GASK1A: variants seen among roughly 807,000 people sequenced by gnomAD.
The protein encoded by GASK1A is Golgi-associated kinase 1A.
In GASK1A, 40 loss-of-function variants were observed where a neutral mutation model predicts 41.2. The observed-to-expected ratio is 0.97, with a 90% confidence interval of 0.75 to 1.27. The LOEUF (loss-of-function observed/expected upper bound fraction) is 1.27. Ranked by LOEUF, GASK1A falls within the 50% of genes most tolerant of loss-of-function variation. GASK1A has a pLI of 0.00. For synonymous variants in GASK1A, 316 were observed against 307.1 expected (o/e 1.03, Z -0.30); for missense variants, 678 against 745.1 (o/e 0.91, Z 1.05).
intron 1 of GASK1A, among the ~76,000 whole-genome samples, chr3:42,997,223 G>T (rs1379460633): frequency 6.6e-6 from 1 of 152,190 alleles, no homozygotes; most frequent in Non-Finnish European, 1.5e-5. Context: ...CCCTTTCAGA[G>T]AGTCAGAGGA....
intron 2 of GASK1A, among the ~76,000 whole-genome samples, chr3:43,034,852 A>C (rs1426060175): frequency 6.6e-6 from 1 of 152,148 alleles, no homozygotes; most frequent in Non-Finnish European, 1.5e-5. Flanking sequence ...GGAGGTTGCC[A>C]TACTCTCCTT....
At chr3:43,028,441 A>G (rs1212136404) in intron 1 of GASK1A, among the ~76,000 whole-genome samples, 3 of 152,194 alleles carry the variant, frequency 2.0e-5, no homozygotes, top group Non-Finnish European at 4.4e-5. Context: ...TACAGAAAAT[A>G]TACCATAAAA....
chr3:43,011,935 A>G (rs971728783), intron 1 of GASK1A, among the ~76,000 whole-genome samples: 7 of 151,848 alleles, frequency 4.6e-5, no homozygotes, highest in Non-Finnish European at 8.8e-5. Context: ...GTGTGAAGTC[A>G]CAGGAAGCGG....
intron 1 of GASK1A, among the ~76,000 whole-genome samples, chr3:42,987,756 T>C (rs1017765525): frequency 1.3e-5 from 2 of 152,010 alleles, no homozygotes; most frequent in Admixed American, 6.6e-5. Flanking sequence ...CCCAGCACTT[T>C]GGAAGGCTGA....
intron 3 of GASK1A, among the ~76,000 whole-genome samples, chr3:43,054,636 A>G (rs1305334556): frequency 6.6e-6 from 1 of 152,184 alleles, no homozygotes; most frequent in African/African-American, 2.4e-5. Flanking sequence ...GATTGTGGGA[A>G]ATGCCCATGG....
intron 2 of GASK1A, among the ~76,000 whole-genome samples, chr3:43,050,391 A>G (rs1275091733): frequency 6.6e-6 from 1 of 152,100 alleles, no homozygotes; most frequent in Non-Finnish European, 1.5e-5. Flanking sequence ...TAAATTTGAT[A>G]TCAAATTACT....
Position 43,032,269 on chromosome 3 carries a change from G to A in GASK1A, c.6G>A (p.Ala2=), listed in dbSNP as rs658958. The A allele has an allele frequency of 0.4, 613,209 of 1,515,132 alleles. 127,898 individuals are homozygous for A. Among genetic ancestry groups the A allele is most frequent in the East Asian group, 0.62 (24,839 of 40,124 alleles). The allele number at this position is 1,515,132 out of a possible 1,614,324, so 93.9% of individuals were successfully genotyped here. A position where few individuals can be genotyped will look rare whatever the true frequency, so the allele number is the denominator to read the frequency against. Residue 2 remains alanine, a splice_region_variant and synonymous_variant, in exon 2 of 5, where the codon GCG becomes GCA. Transcript: ENST00000430121. The part of the protein sequence containing the change: M[A]SWLRRKLRGK... ...TTTCTTTCTACCCTGTCTCTCAGGC[G>A]TCTTGGCTCCGGAGAAAGCTGCGTG... is the stretch of plus-strand genomic sequence containing the variant.
At chr3:43,037,113 A>G in intron 2 of GASK1A, 2 of 762,388 alleles carry the variant, frequency 2.6e-6, no homozygotes, top group Admixed American at 2.3e-5. Flanking sequence ...ACTAAAAGTC[A>G]GTACCTCAAA....
At chr3:43,029,241 T>C (rs1241739603) in intron 1 of GASK1A, among the ~76,000 whole-genome samples, 2 of 151,932 alleles carry the variant, frequency 1.3e-5, no homozygotes, top group Admixed American at 6.6e-5. Flanking sequence ...TTGGTTATCA[T>C]GGTCTCACTG....
chr3:43,023,989 G>C (rs1575444811), intron 1 of GASK1A, among the ~76,000 whole-genome samples: 1 of 152,308 alleles, frequency 6.6e-6, no homozygotes, highest in African/African-American at 2.4e-5. Context: ...ATTGTCTGCT[G>C]TGGGGGCAGC....
chr3:42,988,277 C>T (rs1575434085), intron 1 of GASK1A, among the ~76,000 whole-genome samples: 2 of 152,292 alleles, frequency 1.3e-5, no homozygotes, highest in East Asian at 3.9e-4. Context: ...GGCTGTATCA[C>T]ATGCTGTTTA....
At chr3:42,981,006 C>T (rs2089280380) in intron 1 of GASK1A, among the ~76,000 whole-genome samples, 1 of 152,170 alleles carries the variant, frequency 6.6e-6, no homozygotes, top group Non-Finnish European at 1.5e-5. Flanking sequence ...GCTCTGTGGT[C>T]TGCGGCTGAA....
intron 1 of GASK1A, among the ~76,000 whole-genome samples, chr3:42,997,794 G>A (rs985093053): frequency 3.9e-5 from 6 of 152,326 alleles, no homozygotes; most frequent in Non-Finnish European, 7.3e-5. Context: ...GGATTCCAGT[G>A]CAAACAGTTT....
intron 2 of GASK1A, among the ~76,000 whole-genome samples, chr3:43,043,462 C>T (rs1350307887): frequency 6.6e-6 from 1 of 152,214 alleles, no homozygotes; most frequent in Non-Finnish European, 1.5e-5. Flanking sequence ...ATGCTGGCAA[C>T]CAGTCATGCA....
intron 1 of GASK1A, among the ~76,000 whole-genome samples, chr3:42,985,546 CGTGTGT>C (rs56195274): frequency 0.013 from 1,701 of 134,684 alleles, 31 homozygotes; most frequent in African/African-American, 0.032. Context: ...CCTGTGCATA[CGTGTGT>C]GTGTGTGTGT....
At chr3:42,998,305 G>C (rs1436245303) in intron 1 of GASK1A, among the ~76,000 whole-genome samples, 1 of 152,126 alleles carries the variant, frequency 6.6e-6, no homozygotes, top group Non-Finnish European at 1.5e-5. Context: ...AAGAGGTGGT[G>C]GGGGCAGGGC....
chr3:42,992,445 G>T (rs978805788), intron 1 of GASK1A, among the ~76,000 whole-genome samples: 1 of 152,228 alleles, frequency 6.6e-6, no homozygotes, highest in African/African-American at 2.4e-5. Context: ...CACATAGTCA[G>T]TGCTCAGTTA....
intron 1 of GASK1A, among the ~76,000 whole-genome samples, chr3:43,006,364 G>A (rs1056580356): frequency 6.6e-5 from 10 of 152,148 alleles, no homozygotes; most frequent in Admixed American, 2.6e-4. Context: ...TTAACCAATA[G>A]CTTGTTAAAA....
intron 1 of GASK1A, among the ~76,000 whole-genome samples, chr3:42,993,366 T>C (rs1030579528): frequency 1.3e-5 from 2 of 152,248 alleles, no homozygotes. Context: ...ATGTAGTTTT[T>C]ATTCATCACT....
Sources: gnomAD v4.1 joint callset for allele counts (sites outside exome capture counted in the v4.1 genomes callset) on GRCh38, gnomAD v4.1.1 for gene constraint, MANE v1.5 for transcripts, NCBI Gene and HGNC (gene_info 2026-07-23, HGNC 2026-07-21) for gene names.